Variants in SPECC1L observed in about 807,000 individuals in gnomAD.
SPECC1L encodes the protein sperm antigen with calponin homology and coiled-coil domains 1 like, also known as cytospin-A.
In SPECC1L, 40 loss-of-function variants were observed where a neutral mutation model predicts 116.8. The observed-to-expected ratio is 0.34, with a 90% CI of 0.27 to 0.45. The LOEUF is 0.45. Ranked by LOEUF, SPECC1L falls within the 20% of genes least tolerant of loss-of-function variation. The pLI is 1.00. For synonymous variants in SPECC1L, 504 were observed against 500.6 expected (o/e 1.01, Z -0.09); for missense variants, 1,110 against 1,373.6 (o/e 0.81, Z 3.03).
At chr22:24,313,716 T>G (rs2040503993) in intron 4 of SPECC1L, among the ~76,000 whole-genome samples, 1 of 151,988 alleles carries the variant, frequency 6.6e-6, no homozygotes, top group Non-Finnish European at 1.5e-5. Flanking sequence ...CCATAAATAC[T>G]TTATTATCTT....
chr22:24,396,171 G>C (rs1045516893), intron 14 of SPECC1L, among the ~76,000 whole-genome samples: 1 of 152,132 alleles, frequency 6.6e-6, no homozygotes, highest in African/African-American at 2.4e-5. Context: ...TTCTTTCAAT[G>C]CTCTAAACCA....
intron 4 of SPECC1L, among the ~76,000 whole-genome samples, chr22:24,316,807 C>T (rs374050860): frequency 2.0e-5 from 3 of 146,344 alleles, no homozygotes; most frequent in African/African-American, 5.1e-5. Context: ...ACCTCCCAGA[C>T]GGGGTGGTGG....
chr22:24,369,132 C>T (rs2041827788), intron 13 of SPECC1L, 86 bp from the exon 14 acceptor site: 4 of 917,682 alleles, frequency 4.4e-6, no homozygotes, highest in South Asian at 2.7e-5. Context: ...TATATTTCCC[C>T]TGTTTAAAAA....
intron 12 of SPECC1L, 71 bp from the exon 13 acceptor site, chr22:24,365,405 G>GA (rs541832839): frequency 9.7e-3 from 12,920 of 1,326,608 alleles, no homozygotes; most frequent in Non-Finnish European, 0.011. Context: ...GGAATCTTCA[G>GA]AAAAAAAAAA....
chr22:24,410,720 T>C (rs2042679955), intron 14 of SPECC1L, among the ~76,000 whole-genome samples: 1 of 152,202 alleles, frequency 6.6e-6, no homozygotes, highest in African/African-American at 2.4e-5. Context: ...GGCCACGTTG[T>C]TGCTCTCCTT....
intron 1 of SPECC1L, 41 bp downstream of exon 1, chr22:24,271,024 G>C (rs1011392541): frequency 6.6e-5 from 10 of 152,336 alleles, no homozygotes; most frequent in African/African-American, 1.9e-4. Context: ...TCGCTGGCGG[G>C]TTGGTTTATC....
At chr22:24,320,392 C>A (rs559000426) in intron 4 of SPECC1L, among the ~76,000 whole-genome samples, 1 of 152,236 alleles carries the variant, frequency 6.6e-6, no homozygotes, top group South Asian at 2.1e-4. Context: ...TCATGTGATT[C>A]ACGTAGATTT....
At chr22:24,302,474 G>C in intron 3 of SPECC1L, 90 bp downstream of exon 3, 1 of 1,529,638 alleles carries the variant, frequency 6.5e-7, no homozygotes, top group African/African-American at 1.4e-5. Context: ...ATTCTTAGGG[G>C]TGTGCCCTCT....
chr22:24,322,180 A>C lies in SPECC1L; in HGVS notation c.1200A>C (p.Ile400=). The change falls in exon 5 of 17, where the codon ATA becomes ATC. Residue 400 remains isoleucine (I), a synonymous_variant. Coordinates refer to ENST00000314328, the MANE Select transcript of SPECC1L (RefSeq NM_015330.6). ...EVSVACLTER[I]HQMEENQHST... is the part of the protein sequence containing the mutation. The stretch of plus-strand genomic sequence containing the variant: ...CCGTGGCTTGCCTGACTGAACGGAT[A>C]CACCAGATGGAAGAGAACCAACACA... 1 of 1,614,022 alleles carries C rather than the reference A, an allele frequency of 6.2e-7. No individual in the cohort carries two copies. The highest frequency in any genetic ancestry group is 8.5e-7 in the Non-Finnish European group (1 of 1,180,036).
In SPECC1L at chr22:24,322,127, G is replaced by C. The variant is rs2040734587; in HGVS notation, c.1147G>C (p.Gly383Arg). 1 of 1,614,014 alleles carries C rather than the reference G, an allele frequency of 6.2e-7. No homozygotes were observed. The highest frequency in any genetic ancestry group is 8.5e-7 in the Non-Finnish European group (1 of 1,180,034). The stretch of plus-strand genomic sequence containing the variant: ...CCCCAGCATAGAGCGCTCCCGGAAG[G>C]GGAGCAGCGGGAATGCCAGTGAAGT... ...GIPSIERSRK[G>R]SSGNASEVSV... is the part of the protein sequence containing the mutation. The change falls in exon 5 of 17, where the codon GGG (glycine) becomes CGG (arginine). Residue 383 changes from glycine (G) to arginine (R), a missense_variant. By Grantham distance (125) the Gly-to-Arg change is moderately radical. Transcript: ENST00000314328.
At chr22:24,365,162 C>T (rs1420667143) in intron 12 of SPECC1L, among the ~76,000 whole-genome samples, 2 of 152,082 alleles carry the variant, frequency 1.3e-5, no homozygotes, top group African/African-American at 4.8e-5. Context: ...CATGCACCAC[C>T]ATGCCTGGCT....
chr22:24,328,834 T>G lies in SPECC1L; in HGVS notation c.2147-12T>G. ...GTGAGAATAGATATTTAAACTTTGG[T>G]GATCTTTTCAGATACAGTTAAAAAA... is the stretch of plus-strand genomic sequence containing the variant. On this transcript the variant is annotated splice_polypyrimidine_tract_variant and intron_variant, in intron 6 of 16. Transcript: ENST00000314328. 1.9e-6 allele frequency: 3 copies of G among 1,603,000 alleles called. No individual in the cohort carries two copies. Among genetic ancestry groups the G allele is most frequent in the Non-Finnish European group, 2.6e-6 (3 of 1,170,120 alleles).
intron 8 of SPECC1L, 75 bp downstream of exon 8, chr22:24,330,506 T>G: frequency 6.6e-7 from 1 of 1,521,876 alleles, no homozygotes; most frequent in Non-Finnish European, 9.1e-7. Context: ...GATGTGGTGC[T>G]ATGGAAAAAA....
At chr22:24,303,844 GGTGTGTGTGT>G (rs3031935) in intron 3 of SPECC1L, among the ~76,000 whole-genome samples, 9,389 of 144,054 alleles carry the variant, frequency 0.065, 338 homozygotes, top group South Asian at 0.12. Context: ...GTTTAAATAG[GGTGTGTGTGT>G]GTGTGTGTGT....
chr22:24,354,769 C>T (rs1190671549), intron 11 of SPECC1L, among the ~76,000 whole-genome samples: 2 of 151,192 alleles, frequency 1.3e-5, no homozygotes, highest in Non-Finnish European at 2.9e-5. Flanking sequence ...TCAAGTGATT[C>T]TCATGTCTCA....
intron 4 of SPECC1L, among the ~76,000 whole-genome samples, chr22:24,315,602 G>A (rs1339817433): frequency 3.9e-5 from 6 of 152,228 alleles, no homozygotes. Flanking sequence ...ATTGTACTGG[G>A]AGAGATTCCA....
rs370561903 is a variant in SPECC1L at position 24,366,338 on chromosome 22, C to T, written c.2984+706C>T. On this transcript the variant is annotated intron_variant, in intron 13 of 16. Coordinates refer to ENST00000314328, the MANE Select transcript of SPECC1L (RefSeq NM_015330.6). ...CCTCCCGAGTAGCTGGGACTACAGG[C>T]GCCTGCCACCTCGCCCGGCTAATTT... Among the ~76,000 whole-genome samples the T allele has an allele frequency of 7.9e-5, 12 of 152,072 alleles. No homozygotes were observed. The East Asian group carries it at 1.7e-3, about 22-fold the overall frequency.
chr22:24,370,686 A>C (rs2041855282), intron 14 of SPECC1L, among the ~76,000 whole-genome samples: 1 of 152,236 alleles, frequency 6.6e-6, no homozygotes. Context: ...GTGTCTGTCG[A>C]TAGAAGAATG....
At chr22:24,395,559 T>A (rs2042351274) in intron 14 of SPECC1L, among the ~76,000 whole-genome samples, 1 of 152,232 alleles carries the variant, frequency 6.6e-6, no homozygotes, top group African/African-American at 2.4e-5. Context: ...CAGATTTGTT[T>A]AAGAGACATT....
Sources: allele counts gnomAD v4.1 joint callset (sites outside exome capture counted in the v4.1 genomes callset), GRCh38; gene constraint gnomAD v4.1.1; transcripts MANE v1.5; gene names NCBI Gene and HGNC (gene_info 2026-07-23, HGNC 2026-07-21).